The following TNFRSF11B variants were observed in gnomAD, a reference collection of about 807,000 sequenced individuals.
TNFRSF11B encodes tumor necrosis factor receptor superfamily member 11B.
In TNFRSF11B, 16 loss-of-function variants were observed where a neutral mutation model predicts 43.4. That is an observed-to-expected ratio of 0.37 (90% confidence interval 0.25 to 0.56). The LOEUF (loss-of-function observed/expected upper bound fraction) is 0.56. Among genes scored for constraint, TNFRSF11B ranks in the 20% least tolerant of loss-of-function variants. The probability of loss-of-function intolerance (pLI) is 0.80; values close to 1 mark genes in which losing one functional copy is unlikely to be tolerated. For missense variants in TNFRSF11B, 444 were observed against 490.1 expected, an observed-to-expected ratio of 0.91 and a Z score of 0.89; for synonymous variants, 185 against 181.8, an observed-to-expected ratio of 1.02 and a Z score of -0.14.
intron 1 of TNFRSF11B, among the ~76,000 whole-genome samples, chr8:118,946,549 G>A (rs1586960838): frequency 2.6e-5 from 4 of 152,064 alleles, no homozygotes; most frequent in Non-Finnish European, 4.4e-5. Context: ...TAGGATTTCC[G>A]ATTCACTAGT....
At chr8:118,931,385 CAG>C (rs1812326008) in intron 2 of TNFRSF11B, among the ~76,000 whole-genome samples, 1 of 152,124 alleles carries the variant, frequency 6.6e-6, no homozygotes, top group South Asian at 2.1e-4. Context: ...ATTCTACAAA[CAG>C]ATTTTCTTAC....
rs758860013 is a variant in TNFRSF11B at position 118,933,285 on chromosome 8, T to G, written c.46A>C (p.Ile16Leu). The G allele has an allele frequency of 6.8e-6, 11 of 1,613,638 alleles. No homozygotes were observed. The highest frequency in any genetic ancestry group is 9.3e-6 in the Non-Finnish European group (11 of 1,180,050). Residue 16 changes from isoleucine to leucine, a missense_variant, in exon 2 of 5, where the codon ATT becomes CTT. By Grantham distance (5) the Ile-to-Leu change is conservative (BLOSUM62 2). Transcript: ENST00000297350. ...CCALVFLDIS[I>L]KWTTQETFPP... ...AACGTTTCCTGGGTGGTCCACTTAA[T>G]GGAGATGTCCAGAAACTAGAAGGAG...
At chr8:118,935,705 A>G (rs1403007168) in intron 1 of TNFRSF11B, among the ~76,000 whole-genome samples, 1 of 152,228 alleles carries the variant, frequency 6.6e-6, no homozygotes, top group African/African-American at 2.4e-5. Flanking sequence ...AACATGTGAA[A>G]GTAATGAGAA....
At chr8:118,946,703 C>G (rs947994291) in intron 1 of TNFRSF11B, among the ~76,000 whole-genome samples, 2 of 152,152 alleles carry the variant, frequency 1.3e-5, no homozygotes, top group African/African-American at 2.4e-5. Flanking sequence ...ACACTCTTCT[C>G]TCTTGGCTTG....
intron 1 of TNFRSF11B, among the ~76,000 whole-genome samples, chr8:118,938,090 T>G (rs927845297): frequency 6.6e-6 from 1 of 152,166 alleles, no homozygotes; most frequent in Admixed American, 6.5e-5. Flanking sequence ...AGTATCATAA[T>G]GGTATATGCA....
chr8:118,928,858 C>A lies in TNFRSF11B; in HGVS notation c.472G>T (p.Ala158Ser), dbSNP rs946125663. Residue 158 changes from alanine to serine, a missense_variant, in exon 3 of 5, where the codon GCA (alanine) becomes TCA (serine). Ala to Ser is a moderately conservative substitution (Grantham distance 99). Transcript: ENST00000297350. Reference sequence around the variant, plus strand: ...CAATTTGTGTGTTTTCTACAGGGTGCTTTAGATGACGTCTCATTTGAGAAG... The same window carrying A: ...CAATTTGTGTGTTTTCTACAGGGTGATTTAGATGACGTCTCATTTGAGAAG... ...GFFSNETSSKAPCRKHTNCSV... is the reference protein window; with the variant it reads ...GFFSNETSSKSPCRKHTNCSV... 5 of 1,614,044 alleles carry A rather than the reference C, an allele frequency of 3.1e-6. No individual in the cohort carries two copies. The highest frequency in any genetic ancestry group is 3.4e-6 in the Non-Finnish European group (4 of 1,180,032).
chr8:118,945,173 T>G (rs1016759598), intron 1 of TNFRSF11B, among the ~76,000 whole-genome samples: 11 of 152,140 alleles, frequency 7.2e-5, no homozygotes, highest in Admixed American at 3.9e-4. Flanking sequence ...GAATAAACTT[T>G]GACAAAGGCA....
intron 1 of TNFRSF11B, 64 bp from the exon 2 acceptor site, chr8:118,933,364 A>G (rs1194582628): frequency 5.6e-5 from 90 of 1,598,788 alleles, no homozygotes; most frequent in Non-Finnish European, 7.5e-5. Context: ...TCTTATGTGC[A>G]ACAGTATCAT....
intron 1 of TNFRSF11B, among the ~76,000 whole-genome samples, chr8:118,945,427 G>A (rs757191563): frequency 6.6e-6 from 1 of 151,984 alleles, no homozygotes; most frequent in Non-Finnish European, 1.5e-5. Flanking sequence ...ATACAACTGA[G>A]AACTTTGGAA....
chr8:118,935,818 T>C (rs1280360661), intron 1 of TNFRSF11B, among the ~76,000 whole-genome samples: 2 of 152,314 alleles, frequency 1.3e-5, no homozygotes, highest in Non-Finnish European at 2.9e-5. Flanking sequence ...GAGGGATTCC[T>C]TTATCTTGAG....
At position 118,923,665 on chromosome 8, in the gene TNFRSF11B, T is replaced by G. The variant is rs1205465644; in HGVS notation, c.*709A>C. 1 of 152,640 alleles carries G rather than the reference T, an allele frequency of 6.6e-6. No individual in the cohort carries two copies. The highest frequency in any genetic ancestry group is 1.5e-5 in the Non-Finnish European group (1 of 68,034). 9.5% of individuals were successfully genotyped at this position (152,640 alleles called of 1,614,324 possible). A position where few individuals can be genotyped will look rare whatever the true frequency, so the allele number is the denominator to read the frequency against. On this transcript the variant is annotated 3_prime_UTR_variant, in exon 5 of 5. Transcript: ENST00000297350. Reference sequence around the variant, plus strand: ...CTCAGAGCATCTAATATTCAGATAATTTATATTTCATATGTTTTCCAACAT... The same window carrying G: ...CTCAGAGCATCTAATATTCAGATAAGTTATATTTCATATGTTTTCCAACAT...
At position 118,926,534 on chromosome 8, in the gene TNFRSF11B, A is replaced by G. The variant is rs1415746144; in HGVS notation, c.777T>C (p.His259=). The change falls in exon 4 of 5, where the codon CAT becomes CAC. Residue 259 remains histidine (H), a synonymous_variant. Coordinates refer to ENST00000297350, the MANE Select transcript of TNFRSF11B (RefSeq NM_002546.4). Reference sequence around the variant, plus strand: ...TGACTATATCTTGGTCTTTGTTTTGATGTTTCCATAACTTCAGCAGCTGGA... The same window carrying G: ...TGACTATATCTTGGTCTTTGTTTTGGTGTTTCCATAACTTCAGCAGCTGGA... ...QTFQLLKLWK[H]QNKDQDIVKK... 1.9e-6 allele frequency: 3 copies of G among 1,613,894 alleles called. No individual in the cohort carries two copies. Among genetic ancestry groups the G allele is most frequent in the Admixed American group, 3.3e-5 (2 of 59,992 alleles).
chr8:118,938,742 T>C (rs148506187), intron 1 of TNFRSF11B, among the ~76,000 whole-genome samples: 8 of 152,272 alleles, frequency 5.3e-5, no homozygotes, highest in African/African-American at 1.9e-4. Context: ...AGCTACTGAG[T>C]TGAAAATTTA....
intron 1 of TNFRSF11B, 147 bp from the exon 2 acceptor site, chr8:118,933,447 T>C: frequency 8.4e-7 from 1 of 1,191,146 alleles, no homozygotes; most frequent in Non-Finnish European, 1.2e-6. Context: ...CCATAATTTT[T>C]GCCTCCGGGA....
chr8:118,930,756 C>G (rs1213158332), intron 2 of TNFRSF11B: 1 of 451,584 alleles, frequency 2.2e-6, no homozygotes, highest in Non-Finnish European at 4.4e-6. Context: ...TGGCTTGGGT[C>G]TTCTCCTGCA....
At chr8:118,946,518 T>G (rs553585962) in intron 1 of TNFRSF11B, among the ~76,000 whole-genome samples, 1 of 152,202 alleles carries the variant, frequency 6.6e-6, no homozygotes, top group South Asian at 2.1e-4. Context: ...TCTTCTAGCA[T>G]AGATAGTTTA....
chr8:118,928,870 T>C lies in TNFRSF11B; in HGVS notation c.460A>G (p.Thr154Ala). The C allele has an allele frequency of 6.2e-7, 1 of 1,614,228 alleles. No homozygotes were observed. The highest frequency in any genetic ancestry group is 8.5e-7 in the Non-Finnish European group (1 of 1,180,038). Reference protein sequence around the residue: ...RCPDGFFSNETSSKAPCRKHT... With the variant: ...RCPDGFFSNEASSKAPCRKHT... Reference sequence around the variant, plus strand: ...TTTCTACAGGGTGCTTTAGATGACGTCTCATTTGAGAAGAACCCATCTGGA... The same window carrying C: ...TTTCTACAGGGTGCTTTAGATGACGCCTCATTTGAGAAGAACCCATCTGGA... Residue 154 changes from threonine to alanine, a missense_variant, in exon 3 of 5, where the codon ACG becomes GCG. By Grantham distance (58) the Thr-to-Ala change is moderately conservative. Coordinates refer to ENST00000297350, the MANE Select transcript of TNFRSF11B (RefSeq NM_002546.4).
Position 118,926,505 on chromosome 8 carries a change from T to A in TNFRSF11B, c.806A>T (p.Lys269Met), listed in dbSNP as rs1812247247. ...TTAGATTATCATACCTTGGATGATC[T>A]TCTTGACTATATCTTGGTCTTTGTT... The part of the protein sequence containing the change: ...HQNKDQDIVK[K>M]IIQDIDLCEN... The change falls in exon 4 of 5, where the codon AAG becomes ATG. Residue 269 changes from lysine to methionine, a missense_variant. Lys to Met is a moderately conservative substitution (Grantham distance 95). Transcript: ENST00000297350. 6.2e-7 allele frequency: 1 copy of A among 1,613,206 alleles called. No individual in the cohort carries two copies. The highest frequency in any genetic ancestry group is 1.3e-5 in the African/African-American group (1 of 75,026).
chr8:118,938,767 A>T (rs932236704), intron 1 of TNFRSF11B, among the ~76,000 whole-genome samples: 1 of 152,212 alleles, frequency 6.6e-6, no homozygotes, highest in Non-Finnish European at 1.5e-5. Context: ...ATCACAACTA[A>T]TTTGACTAGA....
Sources: allele counts gnomAD v4.1 joint callset (sites outside exome capture counted in the v4.1 genomes callset), GRCh38; gene constraint gnomAD v4.1.1; transcripts MANE v1.5; gene names NCBI Gene and HGNC (gene_info 2026-07-23, HGNC 2026-07-21).